Variants in DPP6 observed in about 807,000 individuals in gnomAD.
DPP6 encodes dipeptidyl peptidase like 6.
DPP6 carries 69 observed loss-of-function variants against 122.6 expected under a neutral mutation model. That is an observed-to-expected ratio of 0.56 (90% CI 0.46 to 0.69). The LOEUF (loss-of-function observed/expected upper bound fraction) is 0.69. Among genes scored for constraint, DPP6 ranks in the 30% least tolerant of loss-of-function variants. The pLI is 0.00. For missense variants in DPP6, 928 were observed against 1,116.9 expected (o/e 0.83, Z 2.41); for synonymous variants, 418 against 433.1 (o/e 0.97, Z 0.43).
At chr7:154,065,374 C>T (rs1802630019) in intron 1 of DPP6, among the ~76,000 whole-genome samples, 1 of 146,570 alleles carries the variant, frequency 6.8e-6, no homozygotes, top group Non-Finnish European at 1.5e-5. Context: ...AGCAGGGACA[C>T]CTCCCATCAC....
At position 154,428,797 on chromosome 7, in the gene DPP6, A is replaced by G. The variant is rs550766339; in HGVS notation, c.244-17417A>G. On this transcript the variant is annotated intron_variant, in intron 1 of 25. Transcript: ENST00000377770. The stretch of plus-strand genomic sequence containing the variant: ...CTCACTTACAAGTGGCAGCTAAGCT[A>G]TGGGTATGCAAGGCATACAGAGTGG... Among the ~76,000 whole-genome samples the G allele has an allele frequency of 4.9e-4, 75 of 152,330 alleles. 1 individual carries two copies. Among genetic ancestry groups the G allele is most frequent in the African/African-American group, 1.8e-3 (75 of 41,584 alleles).
chr7:154,674,658 G>T (rs1838776289), intron 7 of DPP6, among the ~76,000 whole-genome samples: 1 of 152,196 alleles, frequency 6.6e-6, no homozygotes, highest in Non-Finnish European at 1.5e-5. Flanking sequence ...GAAGAGCTTT[G>T]AATGGGAAAT....
chr7:154,883,366 A>C (rs1473090771), intron 21 of DPP6, among the ~76,000 whole-genome samples: 3 of 146,516 alleles, frequency 2.0e-5, no homozygotes, highest in Non-Finnish European at 4.5e-5. Context: ...ACATGCTCAC[A>C]CACACGATTA....
chr7:154,575,466 G>GA (rs1831566117), intron 5 of DPP6, among the ~76,000 whole-genome samples: 10 of 23,012 alleles, frequency 4.3e-4, no homozygotes, highest in South Asian at 2.0e-3. Context: ...GTGNGCGGGT[G>GA]TATGTGTGTG....
chr7:154,245,589 T>A (rs1801924991), intron 1 of DPP6, among the ~76,000 whole-genome samples: 1 of 141,450 alleles, frequency 7.1e-6, no homozygotes, highest in African/African-American at 2.7e-5. Flanking sequence ...TGAGCTGAGA[T>A]TGTGCCACTG....
chr7:154,837,447 C>T (rs1266220716), intron 16 of DPP6, among the ~76,000 whole-genome samples: 1 of 152,254 alleles, frequency 6.6e-6, no homozygotes. Context: ...CGTGCATGCA[C>T]GCACACACAC....
At chr7:154,380,680 A>T (rs751072612) in intron 1 of DPP6, among the ~76,000 whole-genome samples, 6 of 152,138 alleles carry the variant, frequency 3.9e-5, no homozygotes, top group Admixed American at 1.3e-4. Context: ...CCTTCTTCAC[A>T]CATTCCCCTG....
chr7:153,985,800 T>C (rs1415683363), intron 1 of DPP6, among the ~76,000 whole-genome samples: 1 of 152,182 alleles, frequency 6.6e-6, no homozygotes, highest in Non-Finnish European at 1.5e-5. Flanking sequence ...GATGGAGAAA[T>C]GAACTTTGTG....
At chr7:154,543,235 C>T (rs1828872890) in intron 4 of DPP6, among the ~76,000 whole-genome samples, 1 of 152,300 alleles carries the variant, frequency 6.6e-6, no homozygotes. Context: ...TATAAAACAG[C>T]CTTAAACAAG....
chr7:154,405,049 G>T (rs910138276), intron 1 of DPP6, among the ~76,000 whole-genome samples: 1 of 152,172 alleles, frequency 6.6e-6, no homozygotes, highest in South Asian at 2.1e-4. Context: ...ACACATATAC[G>T]TATGCAAATG....
Position 154,393,554 on chromosome 7 carries a change from A to ATTT in DPP6, c.244-52647_244-52645dup, listed in dbSNP as rs552425581. Among the ~76,000 whole-genome samples the ATTT allele has an allele frequency of 5.0e-3, 705 of 141,514 alleles. 8 individuals carry two copies. The highest frequency in any genetic ancestry group is 0.016 in the African/African-American group (633 of 39,078). The allele number at this position is 141,514 out of a possible 152,430, so 92.8% of individuals were successfully genotyped here. A position where few individuals can be genotyped will look rare whatever the true frequency, so the allele number is the denominator to read the frequency against. On this transcript the variant is annotated intron_variant, in intron 1 of 25. Coordinates refer to ENST00000377770, the MANE Select transcript of DPP6 (RefSeq NM_130797.4). ...TGGCCCACACAATGGAGATTGTTCA[A>ATTT]TTTTTTTTTTTTTTTGTCCTCTCAG...
chr7:154,363,453 G>T (rs572944685), intron 1 of DPP6, among the ~76,000 whole-genome samples: 15 of 152,078 alleles, frequency 9.9e-5, no homozygotes, highest in Non-Finnish European at 1.8e-4. Context: ...TTATAAAAAG[G>T]TTCAAAGTTG....
At chr7:153,887,154 C>G (rs1211187724) in exon 1 of DPP6, 1 of 152,552 alleles carries the variant, frequency 6.6e-6, no homozygotes, top group Non-Finnish European at 1.5e-5. Context: ...CCCCTGGCGT[C>G]GCCGCCCGGC....
At chr7:154,708,273 G>A (rs1206438819) in intron 7 of DPP6, among the ~76,000 whole-genome samples, 1 of 152,156 alleles carries the variant, frequency 6.6e-6, no homozygotes, top group Non-Finnish European at 1.5e-5. Context: ...TACAAGGCTT[G>A]AAGGCCAATT....
chr7:154,123,064 G>A (rs1807614329), intron 1 of DPP6, among the ~76,000 whole-genome samples: 1 of 152,122 alleles, frequency 6.6e-6, no homozygotes. Context: ...TCGGACACCT[G>A]GACTGGCAAG....
chr7:154,425,621 GGTGTGTGTGT>G (rs3056535), intron 1 of DPP6, among the ~76,000 whole-genome samples: 3 of 121,460 alleles, frequency 2.5e-5, no homozygotes, highest in Admixed American at 7.6e-5. Flanking sequence ...TGTGTGTGTG[GGTGTGTGTGT>G]GTGTGTGTGT....
At chr7:154,424,797 A>G (rs1407497938) in intron 1 of DPP6, among the ~76,000 whole-genome samples, 2 of 152,182 alleles carry the variant, frequency 1.3e-5, no homozygotes, top group Non-Finnish European at 2.9e-5. Context: ...GACTTTAGGT[A>G]AATCTCCTGA....
chr7:154,190,789 A>G (rs1448173143), intron 1 of DPP6, among the ~76,000 whole-genome samples: 2 of 152,136 alleles, frequency 1.3e-5, no homozygotes, highest in Non-Finnish European at 1.5e-5. Flanking sequence ...GTTACTTCTT[A>G]AAGCAAAAAG....
At chr7:154,569,265 A>C (rs892320917) in intron 5 of DPP6, among the ~76,000 whole-genome samples, 30 of 152,084 alleles carry the variant, frequency 2.0e-4, no homozygotes, top group Admixed American at 2.0e-3. Flanking sequence ...ATAGACCAGG[A>C]CTTCCTAATC....
Sources: gnomAD v4.1 joint callset for allele counts (sites outside exome capture counted in the v4.1 genomes callset) on GRCh38, gnomAD v4.1.1 for gene constraint, MANE v1.5 for transcripts, NCBI Gene and HGNC (gene_info 2026-07-23, HGNC 2026-07-21) for gene names.